Variants in PROKR2 observed in about 807,000 individuals in gnomAD.
PROKR2 encodes the protein prokineticin receptor 2, also known as G protein-coupled receptor 73-like 1.
PROKR2 carries 26 observed loss-of-function variants against 23.4 expected under a neutral mutation model. The observed-to-expected ratio is 1.11, with a 90% CI of 0.81 to 1.54. PROKR2 has a LOEUF of 1.54. PROKR2 is among the 40% of genes most tolerant of loss of function. PROKR2 has a pLI of 0.00. For synonymous variants in PROKR2, 212 were observed against 201.2 expected (o/e 1.05, Z -0.45); for missense variants, 453 against 511.5 (o/e 0.89, Z 1.10).
At chr20:5,309,281 T>C (rs978282301) in intron 2 of PROKR2, among the ~76,000 whole-genome samples, 2 of 152,244 alleles carry the variant, frequency 1.3e-5, no homozygotes, top group African/African-American at 2.4e-5. Context: ...AAATGTATTA[T>C]GTTACGGTTT....
At chr20:5,314,430 T>A in intron 1 of PROKR2, 53 bp from the exon 2 acceptor site, 2 of 1,439,082 alleles carry the variant, frequency 1.4e-6, no homozygotes, top group Non-Finnish European at 2.0e-6. Context: ...CCAGACCTTC[T>A]GCTCTTTCAG....
rs1191945491 is a variant in PROKR2, at chr20:5,302,583, C to A, written c.612G>T (p.Glu204Asp). The A allele has an allele frequency of 3.1e-6, 5 of 1,614,186 alleles. No individual in the cohort carries two copies. The South Asian group carries it at 5.5e-5, about 18-fold the overall frequency. ...ETVLFIVKSQEKIFCGQIWPV... is the reference protein window; with the variant it reads ...ETVLFIVKSQDKIFCGQIWPV... ...GCCAGATCTGGCCACAGAAGATCTT[C>A]TCCTGGCTCTTGACAATAAAGAGGA... Residue 204 changes from glutamate (E) to aspartate (D), a missense_variant, in exon 3 of 3, where the codon GAG (glutamate) becomes GAT (aspartate). By Grantham distance (45) the Glu-to-Asp change is conservative (BLOSUM62 2). Transcript: ENST00000678254.
In PROKR2 at chr20:5,313,769, T is replaced by A. The variant is rs8124767; in HGVS notation, c.458+143A>T. On this transcript the variant is annotated intron_variant, in intron 2 of 2. Coordinates refer to ENST00000678254, the MANE Select transcript of PROKR2 (RefSeq NM_144773.4). Reference sequence around the variant, plus strand: ...TTGCTCACATCTGGGGGAACAGAACTCAACTGGAGAAACAAGACCTCCTCT... The same window carrying A: ...TTGCTCACATCTGGGGGAACAGAACACAACTGGAGAAACAAGACCTCCTCT... 362,003 of 747,118 alleles carry A rather than the reference T, an allele frequency of 0.48. 89,060 individuals are homozygous for A. Among genetic ancestry groups the A allele is most frequent in the African/African-American group, 0.61 (35,149 of 57,460 alleles). 46.3% of individuals were successfully genotyped at this position (747,118 alleles called of 1,614,324 possible). A position where few individuals can be genotyped will look rare whatever the true frequency, so the allele number is the denominator to read the frequency against.
At chr20:5,312,269 A>G (rs886553075) in intron 2 of PROKR2, among the ~76,000 whole-genome samples, 1 of 152,070 alleles carries the variant, frequency 6.6e-6, no homozygotes, top group Non-Finnish European at 1.5e-5. Flanking sequence ...ACCACGCCCA[A>G]CTAATTTTTG....
chr20:5,305,529 G>T (rs7272559), intron 2 of PROKR2, among the ~76,000 whole-genome samples: 4 of 152,162 alleles, frequency 2.6e-5, no homozygotes, highest in Non-Finnish European at 5.9e-5. Context: ...CCAGGAGAGC[G>T]TCTGGCACAG....
At chr20:5,310,835 C>G (rs889393653) in intron 2 of PROKR2, among the ~76,000 whole-genome samples, 3 of 152,200 alleles carry the variant, frequency 2.0e-5, no homozygotes, top group Non-Finnish European at 4.4e-5. Context: ...CAAGCTAAGA[C>G]TCAGATATAA....
intron 2 of PROKR2, among the ~76,000 whole-genome samples, chr20:5,303,635 T>C (rs4815788): frequency 0.41 from 61,741 of 152,008 alleles, 12,639 homozygotes; most frequent in East Asian, 0.52. Flanking sequence ...CAGAGAGACC[T>C]AATGACACCT....
At chr20:5,303,492 C>T (rs1979090851) in intron 2 of PROKR2, among the ~76,000 whole-genome samples, 1 of 152,220 alleles carries the variant, frequency 6.6e-6, no homozygotes, top group African/African-American at 2.4e-5. Flanking sequence ...CTCCCTGGGC[C>T]ATCTTGTGCT....
At position 5,301,733 on chromosome 20, in the gene PROKR2, G is replaced by C. The variant is rs140260090; in HGVS notation, c.*307C>G. On this transcript the variant is annotated 3_prime_UTR_variant, in exon 3 of 3. Transcript: ENST00000678254. ...GTAAATGTCAGCTCCTGCTGTCCCTGTCTAATCTCATTGGTGTGGTTTGCA... is the reference window on the plus strand; with the variant it reads ...GTAAATGTCAGCTCCTGCTGTCCCTCTCTAATCTCATTGGTGTGGTTTGCA... Among the ~76,000 whole-genome samples, 6 of 152,296 alleles carry C rather than the reference G, an allele frequency of 3.9e-5. No homozygotes were observed. Among genetic ancestry groups the C allele is most frequent in the African/African-American group, 1.4e-4 (6 of 41,562 alleles).
chr20:5,306,582 T>C (rs1197054226), intron 2 of PROKR2, among the ~76,000 whole-genome samples: 11 of 152,244 alleles, frequency 7.2e-5, no homozygotes, highest in Non-Finnish European at 1.3e-4. Flanking sequence ...AAAAGTAAAG[T>C]TTTCCAGACG....
chr20:5,310,206 A>G (rs1453923692), intron 2 of PROKR2, among the ~76,000 whole-genome samples: 1 of 152,170 alleles, frequency 6.6e-6, no homozygotes, highest in Non-Finnish European at 1.5e-5. Context: ...TGCAAGAGGG[A>G]CACCGGCAAG....
chr20:5,305,864 T>C (rs188703510), intron 2 of PROKR2, among the ~76,000 whole-genome samples: 2 of 152,300 alleles, frequency 1.3e-5, no homozygotes, highest in African/African-American at 4.8e-5. Flanking sequence ...ATGGACAACC[T>C]GGGACTATTC....
intron 1 of PROKR2, among the ~76,000 whole-genome samples, chr20:5,314,587 C>G (rs915672808): frequency 6.6e-6 from 1 of 152,148 alleles, no homozygotes; most frequent in African/African-American, 2.4e-5. Context: ...CCAACCAGAC[C>G]CACTGCCTAA....
intron 1 of PROKR2, 111 bp from the exon 2 acceptor site, chr20:5,314,488 C>T: frequency 1.1e-6 from 1 of 881,850 alleles, no homozygotes; most frequent in East Asian, 2.6e-5. Context: ...AGAGTTGACT[C>T]ACCGTCCTGG....
At chr20:5,311,656 T>G (rs549277220) in intron 2 of PROKR2, among the ~76,000 whole-genome samples, 4 of 152,176 alleles carry the variant, frequency 2.6e-5, no homozygotes, top group Admixed American at 2.6e-4. Flanking sequence ...AACATTTGAG[T>G]CAGTGGGCTG....
intron 2 of PROKR2, among the ~76,000 whole-genome samples, chr20:5,313,072 G>A (rs958738344): frequency 1.3e-5 from 2 of 152,026 alleles, no homozygotes; most frequent in Non-Finnish European, 2.9e-5. Context: ...AATTACCTTG[G>A]TTGATCATTA....
At chr20:5,303,448 A>G (rs1363793938) in intron 2 of PROKR2, among the ~76,000 whole-genome samples, 1 of 152,200 alleles carries the variant, frequency 6.6e-6, no homozygotes, top group African/African-American at 2.4e-5. Context: ...AGGGACCAGA[A>G]TCCAGGCTCT....
chr20:5,314,888 A>C (rs2122224294), intron 1 of PROKR2, among the ~76,000 whole-genome samples: 1 of 152,254 alleles, frequency 6.6e-6, no homozygotes, highest in South Asian at 2.1e-4. Context: ...ACGTTGTGGC[A>C]CCTGTTGGCC....
rs188800122 is a variant in PROKR2 at position 5,308,370 on chromosome 20, T to C, written c.458+5542A>G. 2.2e-3 allele frequency among the ~76,000 whole-genome samples: 332 copies of C among 152,350 alleles called. 4 individuals carry two copies. In the South Asian group the frequency reaches 0.034, roughly 16 times the overall value. ...CAGGGCAGAAAACCGCTTAAAGGCG[T>C]TCTTAAACCACAAACAATAGCATGA... On this transcript the variant is annotated intron_variant, in intron 2 of 2. Coordinates refer to ENST00000678254, the MANE Select transcript of PROKR2 (RefSeq NM_144773.4).
Sources: allele counts gnomAD v4.1 joint callset (sites outside exome capture counted in the v4.1 genomes callset), GRCh38; gene constraint gnomAD v4.1.1; transcripts MANE v1.5; gene names NCBI Gene and HGNC (gene_info 2026-07-23, HGNC 2026-07-21).